Variants in PDGFC observed in about 807,000 individuals in gnomAD.
PDGFC encodes platelet derived growth factor C, also known as platelet-derived growth factor C.
PDGFC carries 12 observed loss-of-function variants against 35.5 expected under a neutral mutation model. That is an observed-to-expected ratio of 0.34 (90% CI 0.22 to 0.55). The LOEUF is 0.55. Ranked by LOEUF, PDGFC falls within the 20% of genes least tolerant of loss-of-function variation. PDGFC has a pLI of 0.91. For missense variants in PDGFC, 322 were observed against 412.4 expected (o/e 0.78, Z 1.90); for synonymous variants, 159 against 148.8 (o/e 1.07, Z -0.50).
At position 156,798,655 on chromosome 4, in the gene PDGFC, A is replaced by C. The variant is rs1460895165; in HGVS notation, c.495+12182T>G. On this transcript the variant is annotated intron_variant, in intron 3 of 5. Transcript: ENST00000502773. ...TCAGAAAGCTTGAGATGGCTTCTCA[A>C]GAATCTCATCCAAAGGATGTGTCAT... Among the ~76,000 whole-genome samples, 3 of 152,210 alleles carry C rather than the reference A, an allele frequency of 2.0e-5. No homozygotes were observed. The East Asian group carries it at 5.8e-4, about 29-fold the overall frequency.
chr4:156,850,477 G>A (rs1729427818), intron 1 of PDGFC, 61 bp from the exon 2 acceptor site: 1 of 947,770 alleles, frequency 1.1e-6, no homozygotes, highest in Admixed American at 2.6e-5. Context: ...AGGTATCAAA[G>A]CAAGTGTTTA....
intron 1 of PDGFC, among the ~76,000 whole-genome samples, chr4:156,879,239 T>G (rs1002688657): frequency 1.1e-4 from 16 of 152,202 alleles, no homozygotes; most frequent in African/African-American, 3.9e-4. Flanking sequence ...GGTTTGTCCC[T>G]GTTGGTTGAT....
chr4:156,828,733 A>G (rs543861288), intron 2 of PDGFC, among the ~76,000 whole-genome samples: 1 of 152,310 alleles, frequency 6.6e-6, no homozygotes, highest in Admixed American at 6.5e-5. Context: ...GTAAAATTCT[A>G]CTTACATCAC....
chr4:156,764,338 T>G (rs1158956983), intron 5 of PDGFC, among the ~76,000 whole-genome samples: 2 of 152,172 alleles, frequency 1.3e-5, no homozygotes, highest in African/African-American at 4.8e-5. Flanking sequence ...TTTTGAATGC[T>G]TACTGGGTGC....
intron 2 of PDGFC, among the ~76,000 whole-genome samples, chr4:156,830,941 T>C (rs1227933694): frequency 6.6e-6 from 1 of 152,214 alleles, no homozygotes; most frequent in Admixed American, 6.5e-5. Context: ...CTTTGCAGCA[T>C]GGTCCCTACC....
intron 2 of PDGFC, among the ~76,000 whole-genome samples, chr4:156,821,542 A>G (rs184102508): frequency 2.2e-3 from 339 of 151,640 alleles, no homozygotes; most frequent in Middle Eastern, 6.8e-3. Context: ...CTCTCTACGT[A>G]TATTTATTTT....
chr4:156,789,846 G>A (rs748201443), intron 3 of PDGFC, among the ~76,000 whole-genome samples: 3 of 151,860 alleles, frequency 2.0e-5, no homozygotes, highest in African/African-American at 2.4e-5. Context: ...GCATGGTGAC[G>A]GGTGCCTGTA....
intron 1 of PDGFC, among the ~76,000 whole-genome samples, chr4:156,861,946 A>T (rs1385175630): frequency 6.6e-6 from 1 of 152,134 alleles, no homozygotes; most frequent in African/African-American, 2.4e-5. Context: ...CTACATATTT[A>T]AAAGTTCCAT....
intron 5 of PDGFC, among the ~76,000 whole-genome samples, chr4:156,767,310 A>C (rs1480822591): frequency 6.6e-6 from 1 of 152,176 alleles, no homozygotes; most frequent in East Asian, 1.9e-4. Context: ...CATGAATAAT[A>C]CAAAGTTTAT....
intron 1 of PDGFC, among the ~76,000 whole-genome samples, chr4:156,955,598 A>G (rs148610602): frequency 6.6e-6 from 1 of 152,168 alleles, no homozygotes; most frequent in African/African-American, 2.4e-5. Context: ...TGCATTTAAA[A>G]AACAAAAATC....
At chr4:156,887,565 A>G (rs1730404132) in intron 1 of PDGFC, among the ~76,000 whole-genome samples, 1 of 152,228 alleles carries the variant, frequency 6.6e-6, no homozygotes, top group African/African-American at 2.4e-5. Context: ...AAAATGTAGG[A>G]GTCCAGGTTG....
chr4:156,771,460 T>C (rs974714381), intron 4 of PDGFC, among the ~76,000 whole-genome samples: 1 of 152,200 alleles, frequency 6.6e-6, no homozygotes, highest in African/African-American at 2.4e-5. Flanking sequence ...TCGTAAGTTA[T>C]TCATCAAGTT....
chr4:156,828,948 T>C (rs1169599482), intron 2 of PDGFC, among the ~76,000 whole-genome samples: 2 of 152,170 alleles, frequency 1.3e-5, no homozygotes, highest in Non-Finnish European at 2.9e-5. Context: ...AAATCAATCT[T>C]CACTAGAGAA....
At chr4:156,945,098 T>G (rs1731906291) in intron 1 of PDGFC, among the ~76,000 whole-genome samples, 2 of 151,886 alleles carry the variant, frequency 1.3e-5, no homozygotes, top group Non-Finnish European at 2.9e-5. Context: ...GACCATTTTC[T>G]ATCATACCAA....
chr4:156,843,273 C>T (rs1036050329), intron 2 of PDGFC, among the ~76,000 whole-genome samples: 4 of 152,296 alleles, frequency 2.6e-5, no homozygotes, highest in East Asian at 1.9e-4. Context: ...GGTCCTCCAT[C>T]GCCAGATACA....
chr4:156,951,600 T>C (rs893594532), intron 1 of PDGFC, among the ~76,000 whole-genome samples: 1 of 151,606 alleles, frequency 6.6e-6, no homozygotes, highest in African/African-American at 2.4e-5. Context: ...AAATGGTGTA[T>C]GACAATGAAA....
chr4:156,936,464 A>G (rs1560881117), intron 1 of PDGFC, among the ~76,000 whole-genome samples: 4 of 152,212 alleles, frequency 2.6e-5, no homozygotes, highest in African/African-American at 9.6e-5. Flanking sequence ...GTCTTAAAAA[A>G]TACAACAACA....
intron 1 of PDGFC, among the ~76,000 whole-genome samples, chr4:156,914,196 C>T (rs936482455): frequency 6.6e-6 from 1 of 152,064 alleles, no homozygotes; most frequent in African/African-American, 2.4e-5. Context: ...GATAACAATG[C>T]CAAATTAGCT....
chr4:156,953,490 T>C (rs1441385712), intron 1 of PDGFC, among the ~76,000 whole-genome samples: 1 of 151,984 alleles, frequency 6.6e-6, no homozygotes, highest in Non-Finnish European at 1.5e-5. Flanking sequence ...TTTATATTGC[T>C]GTACAAGTGC....
Sources: allele counts gnomAD v4.1 joint callset (sites outside exome capture counted in the v4.1 genomes callset), GRCh38; gene constraint gnomAD v4.1.1; transcripts MANE v1.5; gene names NCBI Gene and HGNC (gene_info 2026-07-23, HGNC 2026-07-21).